Variants in WNT7A observed in about 807,000 individuals in gnomAD.
The protein encoded by WNT7A is protein Wnt-7a.
In WNT7A, 16 loss-of-function variants were observed where a neutral mutation model predicts 28.2. The ratio of observed to expected loss-of-function variants is 0.57; its 90% confidence interval spans 0.38 to 0.86. The LOEUF is 0.86. Ranked by LOEUF, WNT7A falls within the 40% of genes least tolerant of loss-of-function variation. WNT7A has a pLI of 0.00. For synonymous variants in WNT7A, 190 were observed against 195.9 expected, an observed-to-expected ratio of 0.97 and a Z score of 0.25; for missense variants, 411 against 489.7, an observed-to-expected ratio of 0.84 and a Z score of 1.52.
chr3:13,856,899 G>GAAGAAGAAGAAGAAGAAGAAGAAA (rs1694744055), intron 2 of WNT7A, among the ~76,000 whole-genome samples: 25 of 46,544 alleles, frequency 5.4e-4, no homozygotes, highest in African/African-American at 1.6e-3. Context: ...AGAAAAAGAA[G>GAAGAAGAAGAAGAAGAAGAAGAAA]AAGAAGAAGA....
intron 3 of WNT7A, among the ~76,000 whole-genome samples, chr3:13,827,780 C>T (rs976991024): frequency 1.9e-4 from 29 of 152,146 alleles, no homozygotes; most frequent in Admixed American, 5.2e-4. Flanking sequence ...AAACCAAAGG[C>T]TTCCCAGCGT....
At chr3:13,877,418 G>A (rs1422078908) in intron 1 of WNT7A, among the ~76,000 whole-genome samples, 2 of 152,180 alleles carry the variant, frequency 1.3e-5, no homozygotes, top group Non-Finnish European at 2.9e-5. Context: ...GGAAGAAGCA[G>A]CATGAGAAGA....
chr3:13,832,928 G>T (rs1284415890), intron 3 of WNT7A, among the ~76,000 whole-genome samples: 2 of 152,068 alleles, frequency 1.3e-5, no homozygotes, highest in Non-Finnish European at 2.9e-5. Flanking sequence ...GCTGTCTATG[G>T]CTCCTGAGGT....
chr3:13,857,708 T>C (rs1694768275), intron 2 of WNT7A, among the ~76,000 whole-genome samples: 1 of 151,550 alleles, frequency 6.6e-6, no homozygotes, highest in Admixed American at 6.6e-5. Flanking sequence ...AGTATCAAAC[T>C]CACAAGAAAA....
chr3:13,829,621 C>G (rs767470417), intron 3 of WNT7A, among the ~76,000 whole-genome samples: 8 of 152,090 alleles, frequency 5.3e-5, no homozygotes, highest in Non-Finnish European at 1.2e-4. Context: ...TGCCTGCAGG[C>G]GAGTCCCTTT....
chr3:13,829,847 A>G (rs1694249799), intron 3 of WNT7A, among the ~76,000 whole-genome samples: 3 of 152,072 alleles, frequency 2.0e-5, no homozygotes, highest in Non-Finnish European at 2.9e-5. Flanking sequence ...TTTCCCCCAG[A>G]GGTCATTAGG....
At position 13,880,052 on chromosome 3, in the gene WNT7A, C is replaced by T. The variant is rs577047178; in HGVS notation, c.-236G>A. The stretch of plus-strand genomic sequence containing the variant: ...GCGTGGGGCGACGCCGGGCTGCGCG[C>T]GAGCGACCGGTGCAAGTGTGCGAGA... On this transcript the variant is annotated 5_prime_UTR_variant, in exon 1 of 4. Coordinates refer to ENST00000285018, the MANE Select transcript of WNT7A (RefSeq NM_004625.4). 990 of 345,820 alleles carry T rather than the reference C, an allele frequency of 2.9e-3. 3 individuals are homozygous for T. The highest frequency in any genetic ancestry group is 0.013 in the African/African-American group (625 of 46,632). 21.4% of individuals were successfully genotyped at this position (345,820 alleles called of 1,614,324 possible). A position where few individuals can be genotyped will look rare whatever the true frequency, so the allele number is the denominator to read the frequency against.
At chr3:13,827,384 T>C (rs1694211602) in intron 3 of WNT7A, among the ~76,000 whole-genome samples, 1 of 152,176 alleles carries the variant, frequency 6.6e-6, no homozygotes, top group African/African-American at 2.4e-5. Context: ...AAGGATTTTC[T>C]GCACCACTGG....
intron 1 of WNT7A, among the ~76,000 whole-genome samples, chr3:13,878,227 G>A (rs1283754622): frequency 6.6e-6 from 1 of 152,088 alleles, no homozygotes; most frequent in Non-Finnish European, 1.5e-5. Flanking sequence ...GCCAGGGGAG[G>A]TTATTTTCTG....
At chr3:13,851,101 A>G (rs986470632) in intron 3 of WNT7A, among the ~76,000 whole-genome samples, 2 of 152,126 alleles carry the variant, frequency 1.3e-5, no homozygotes, top group African/African-American at 4.8e-5. Context: ...TAGGCTTCCT[A>G]AACAGCCTCC....
intron 3 of WNT7A, among the ~76,000 whole-genome samples, chr3:13,844,349 G>A (rs1322628794): frequency 1.3e-5 from 2 of 152,226 alleles, no homozygotes; most frequent in East Asian, 3.9e-4. Context: ...GGAAGGGCAG[G>A]CCTTGAGAGG....
intron 3 of WNT7A, among the ~76,000 whole-genome samples, chr3:13,848,255 C>G (rs1008792724): frequency 1.4e-4 from 21 of 152,130 alleles, no homozygotes; most frequent in Admixed American, 1.1e-3. Flanking sequence ...CACTTTTACT[C>G]TGTGAGAGAC....
chr3:13,875,600 A>C (rs868661798), intron 1 of WNT7A, among the ~76,000 whole-genome samples: 12 of 152,192 alleles, frequency 7.9e-5, no homozygotes, highest in African/African-American at 2.9e-4. Context: ...ATGACTTCAA[A>C]GTTTCATGCA....
chr3:13,841,338 T>A (rs1208879604), intron 3 of WNT7A, among the ~76,000 whole-genome samples: 1 of 152,226 alleles, frequency 6.6e-6, no homozygotes, highest in Admixed American at 6.5e-5. Flanking sequence ...TATAAATTCT[T>A]AATGAATGAA....
chr3:13,860,605 G>C (rs1287063128), intron 2 of WNT7A, among the ~76,000 whole-genome samples: 1 of 152,078 alleles, frequency 6.6e-6, no homozygotes, highest in Non-Finnish European at 1.5e-5. Flanking sequence ...GGTAAGATAG[G>C]GAAACTGAGG....
Position 13,817,272 on chromosome 3 carries a change from C to T in WNT7A, c.*1672G>A, listed in dbSNP as rs1000873465. On this transcript the variant is annotated 3_prime_UTR_variant, in exon 4 of 4. Transcript: ENST00000285018. ...GCAGCAGATGCAAAGGCATGCAGCT[C>T]CATGCCTGAGACCTGATCTCCCAGG... The T allele has an allele frequency of 6.6e-6, 1 of 152,262 alleles. No individual in the cohort carries two copies. The highest frequency in any genetic ancestry group is 1.5e-5 in the Non-Finnish European group (1 of 68,108). 9.4% of individuals were successfully genotyped at this position (152,262 alleles called of 1,614,324 possible).
At chr3:13,820,844 T>G (rs1575057950) in intron 3 of WNT7A, among the ~76,000 whole-genome samples, 2 of 152,178 alleles carry the variant, frequency 1.3e-5, no homozygotes, top group East Asian at 3.9e-4. Flanking sequence ...GTATCTGCAA[T>G]CAAATGAGCC....
intron 3 of WNT7A, among the ~76,000 whole-genome samples, chr3:13,833,796 C>T (rs1383970920): frequency 6.6e-6 from 1 of 152,252 alleles, no homozygotes; most frequent in Non-Finnish European, 1.5e-5. Context: ...GTGCTTCTCC[C>T]AACTGCTGGA....
intron 2 of WNT7A, among the ~76,000 whole-genome samples, chr3:13,855,421 C>A (rs1232606403): frequency 6.6e-6 from 1 of 152,178 alleles, no homozygotes; most frequent in Admixed American, 6.5e-5. Context: ...ATTCATGGAA[C>A]CTGACTGCAC....
Sources: allele counts gnomAD v4.1 joint callset (sites outside exome capture counted in the v4.1 genomes callset), GRCh38; gene constraint gnomAD v4.1.1; transcripts MANE v1.5; gene names NCBI Gene and HGNC (gene_info 2026-07-23, HGNC 2026-07-21).